The following CTNNAL1 variants were observed in gnomAD, a reference collection of about 807,000 sequenced individuals.
CTNNAL1 encodes the protein alpha-catulin.
A neutral mutation model predicts 93.6 loss-of-function variants in CTNNAL1; 69 were observed. That is an observed-to-expected ratio of 0.74 (90% CI 0.61 to 0.90). The LOEUF (loss-of-function observed/expected upper bound fraction) is 0.90, where lower values mean the gene tolerates loss of function less well. CTNNAL1 is among the 40% of genes least tolerant of loss of function. CTNNAL1 has a pLI of 0.00. For synonymous variants in CTNNAL1, 286 were observed against 305.4 expected, an observed-to-expected ratio of 0.94 and a Z score of 0.66; for missense variants, 836 against 862.0, an observed-to-expected ratio of 0.97 and a Z score of 0.38.
intron 4 of CTNNAL1, among the ~76,000 whole-genome samples, chr9:108,988,714 T>C (rs890645664): frequency 6.6e-6 from 1 of 152,176 alleles, no homozygotes; most frequent in Non-Finnish European, 1.5e-5. Context: ...ACACCATGCA[T>C]GTTTCTGTTT....
At chr9:109,012,274 A>C (rs1171030106) in intron 1 of CTNNAL1, among the ~76,000 whole-genome samples, 1 of 152,216 alleles carries the variant, frequency 6.6e-6, no homozygotes, top group Non-Finnish European at 1.5e-5. Context: ...GCTCCCCTTC[A>C]CTGAACATGT....
intron 2 of CTNNAL1, among the ~76,000 whole-genome samples, chr9:108,998,233 G>C (rs988421650): frequency 3.9e-5 from 6 of 152,114 alleles, no homozygotes; most frequent in African/African-American, 1.2e-4. Flanking sequence ...GCATCTAGTA[G>C]GTAGAAGCTA....
intron 4 of CTNNAL1, among the ~76,000 whole-genome samples, chr9:108,988,908 T>C (rs924008749): frequency 5.9e-5 from 9 of 152,214 alleles, no homozygotes; most frequent in East Asian, 1.9e-4. Context: ...GCAGGATATT[T>C]TGACTATTCT....
intron 1 of CTNNAL1, among the ~76,000 whole-genome samples, chr9:109,005,939 G>A (rs1290561989): frequency 3.3e-5 from 5 of 152,232 alleles, no homozygotes; most frequent in African/African-American, 1.2e-4. Context: ...AATATAGTAT[G>A]CCTTTAAAAT....
chr9:108,955,668 T>C, intron 12 of CTNNAL1, 122 bp downstream of exon 12: 1 of 842,178 alleles, frequency 1.2e-6, no homozygotes, highest in South Asian at 1.6e-5. Context: ...TCAACATTAA[T>C]ATCCTAACTT....
chr9:108,962,019 G>A (rs72758382), intron 11 of CTNNAL1, among the ~76,000 whole-genome samples: 8 of 152,266 alleles, frequency 5.3e-5, no homozygotes, highest in Non-Finnish European at 1.2e-4. Context: ...GATTGGAGTG[G>A]AGTTTAACTG....
intron 14 of CTNNAL1, chr9:108,950,761 T>C: frequency 1.2e-6 from 1 of 867,856 alleles, no homozygotes; most frequent in African/African-American, 1.7e-5. Flanking sequence ...CTCCTTTTTC[T>C]CTTGGAAGTG....
chr9:108,984,144 G>A (rs1831527172), intron 5 of CTNNAL1, among the ~76,000 whole-genome samples: 1 of 152,190 alleles, frequency 6.6e-6, no homozygotes, highest in African/African-American at 2.4e-5. Flanking sequence ...TTCAATCAAA[G>A]CTGACTCATA....
At chr9:108,982,095 G>C (rs1477579526) in intron 6 of CTNNAL1, among the ~76,000 whole-genome samples, 2 of 152,044 alleles carry the variant, frequency 1.3e-5, no homozygotes, top group African/African-American at 4.8e-5. Flanking sequence ...ACTTCTTAGG[G>C]CCCTCCCAAC....
At chr9:108,944,791 T>G (rs1284186827) in intron 15 of CTNNAL1, among the ~76,000 whole-genome samples, 1 of 152,140 alleles carries the variant, frequency 6.6e-6, no homozygotes, top group Non-Finnish European at 1.5e-5. Context: ...TCATAATAAA[T>G]TAAAGAATAC....
At chr9:108,955,885 T>C in intron 11 of CTNNAL1, 58 bp from the exon 12 acceptor site, 4 of 1,108,040 alleles carry the variant, frequency 3.6e-6, no homozygotes, top group Non-Finnish European at 5.1e-6. Context: ...TTTCTATTAT[T>C]CATAGTTAAC....
chr9:108,972,864 G>GGGGGCTC, intron 8 of CTNNAL1, 31 bp from the exon 9 acceptor site: 1 of 142,590 alleles, frequency 7.0e-6, no homozygotes, highest in Non-Finnish European at 1.0e-5. Context: ...GGGGGGGTGG[G>GGGGGCTC]AGGGTGGAGA....
intron 2 of CTNNAL1, among the ~76,000 whole-genome samples, chr9:108,998,021 A>G (rs775008167): frequency 3.3e-5 from 5 of 152,254 alleles, no homozygotes; most frequent in African/African-American, 4.8e-5. Context: ...CTTAGAACAT[A>G]GTCCAAAATT....
At chr9:108,974,867 T>C (rs1354789369) in intron 8 of CTNNAL1, among the ~76,000 whole-genome samples, 1 of 152,154 alleles carries the variant, frequency 6.6e-6, no homozygotes, top group Non-Finnish European at 1.5e-5. Flanking sequence ...TCTTGAGCCC[T>C]TGACCGTCTT....
intron 4 of CTNNAL1, among the ~76,000 whole-genome samples, chr9:108,987,920 G>A (rs911652848): frequency 3.0e-4 from 46 of 152,302 alleles, no homozygotes; most frequent in African/African-American, 4.3e-4. Context: ...AGCTTAAGGA[G>A]ATTTTGGGCT....
chr9:108,950,529 T>C (rs1205797056), intron 14 of CTNNAL1: 12 of 1,550,306 alleles, frequency 7.7e-6, no homozygotes, highest in Admixed American at 2.0e-5. Context: ...CTAGAAAAGG[T>C]AGAAGACGTC....
intron 11 of CTNNAL1, among the ~76,000 whole-genome samples, chr9:108,958,063 C>CAAAAAAAAAAAAAAAAA (rs11291554): frequency 8.2e-5 from 7 of 85,112 alleles, no homozygotes; most frequent in Admixed American, 1.4e-4. Flanking sequence ...AAGACTGTCT[C>CAAAAAAAAAAAAAAAAA]AAAAAAAAAA....
chr9:108,996,091 T>C (rs1273681877), intron 2 of CTNNAL1, among the ~76,000 whole-genome samples: 1 of 151,962 alleles, frequency 6.6e-6, no homozygotes, highest in Non-Finnish European at 1.5e-5. Flanking sequence ...GCCTCCCAAG[T>C]AGCTGGGACT....
At chr9:108,984,490 T>A in intron 4 of CTNNAL1, 54 bp from the exon 5 acceptor site, 1 of 990,292 alleles carries the variant, frequency 1.0e-6, no homozygotes, top group Non-Finnish European at 1.6e-6. Flanking sequence ...ACAACCCAAT[T>A]TCTTAAAAAA....
Sources: allele counts gnomAD v4.1 joint callset (sites outside exome capture counted in the v4.1 genomes callset), GRCh38; gene constraint gnomAD v4.1.1; transcripts MANE v1.5; gene names NCBI Gene and HGNC (gene_info 2026-07-23, HGNC 2026-07-21).